NRG3: variants seen among roughly 807,000 people sequenced by gnomAD.
The protein encoded by NRG3 is neuregulin 3.
Under a neutral mutation model 66.9 loss-of-function variants are expected in NRG3, and 31 were observed. The observed-to-expected ratio is 0.46, with a 90% confidence interval of 0.35 to 0.63. The LOEUF is 0.63. Ranked by LOEUF, NRG3 falls within the 20% of genes least tolerant of loss-of-function variation. The pLI is 0.00. For missense variants in NRG3, 910 were observed against 878.9 expected, an observed-to-expected ratio of 1.04 and a Z score of -0.45; for synonymous variants, 393 against 359.4, an observed-to-expected ratio of 1.09 and a Z score of -1.06.
intron 4 of NRG3, among the ~76,000 whole-genome samples, chr10:82,918,098 A>G (rs1427392851): frequency 6.6e-6 from 1 of 151,680 alleles, no homozygotes; most frequent in Non-Finnish European, 1.5e-5. Context: ...AAGAAACTGA[A>G]AGTTGACATT....
At chr10:82,933,236 TTTTATTTATTTA>T (rs150686836) in intron 4 of NRG3, among the ~76,000 whole-genome samples, 2 of 151,680 alleles carry the variant, frequency 1.3e-5, no homozygotes, top group Non-Finnish European at 2.9e-5. Context: ...GGACTGTGGC[TTTTATTTATTTA>T]TTTATTTATT....
chr10:82,700,874 G>T (rs1226450530), intron 2 of NRG3, among the ~76,000 whole-genome samples: 1 of 152,020 alleles, frequency 6.6e-6, no homozygotes, highest in Non-Finnish European at 1.5e-5. Context: ...TTGGACACAA[G>T]GGAACACGTC....
At chr10:82,334,813 A>G (rs924688277) in intron 1 of NRG3, among the ~76,000 whole-genome samples, 1 of 152,200 alleles carries the variant, frequency 6.6e-6, no homozygotes, top group African/African-American at 2.4e-5. Context: ...TCTTCTCTTA[A>G]TAAAATTAAT....
chr10:81,966,931 A>G (rs1029161373), intron 1 of NRG3, among the ~76,000 whole-genome samples: 2 of 151,712 alleles, frequency 1.3e-5, no homozygotes, highest in Non-Finnish European at 1.5e-5. Flanking sequence ...GTCCTTTTTC[A>G]TGCTATTTGT....
At chr10:82,103,759 G>C (rs184740309) in intron 1 of NRG3, among the ~76,000 whole-genome samples, 1 of 152,220 alleles carries the variant, frequency 6.6e-6, no homozygotes, top group Admixed American at 6.5e-5. Context: ...TCTGAGGCCA[G>C]AGAGATGGGT....
intron 2 of NRG3, among the ~76,000 whole-genome samples, chr10:82,591,968 A>G (rs2047009165): frequency 6.6e-6 from 1 of 152,206 alleles, no homozygotes; most frequent in Admixed American, 6.5e-5. Flanking sequence ...CAGTGCCAAC[A>G]AAGCATTTCT....
intron 1 of NRG3, among the ~76,000 whole-genome samples, chr10:81,923,060 A>G (rs1220196319): frequency 1.3e-5 from 2 of 152,372 alleles, no homozygotes; most frequent in African/African-American, 4.8e-5. Context: ...GGTAATTTAC[A>G]TATTATTAGG....
At chr10:82,327,026 AT>A (rs948944302) in intron 1 of NRG3, among the ~76,000 whole-genome samples, 1 of 152,204 alleles carries the variant, frequency 6.6e-6, no homozygotes, top group Non-Finnish European at 1.5e-5. Flanking sequence ...GCTTGGAGTC[AT>A]TTTAGGCATT....
chr10:82,589,607 G>A (rs1354065299), intron 2 of NRG3, among the ~76,000 whole-genome samples: 4 of 151,910 alleles, frequency 2.6e-5, no homozygotes, highest in East Asian at 1.9e-4. Flanking sequence ...GACACCCCTC[G>A]GAGTCTAAAA....
intron 1 of NRG3, among the ~76,000 whole-genome samples, chr10:81,952,709 T>TCCTTCCA (rs921267345): frequency 1.3e-5 from 2 of 152,134 alleles, no homozygotes; most frequent in Non-Finnish European, 2.9e-5. Flanking sequence ...GCTTAAGCGA[T>TCCTTCCA]CCTTCCACCT....
chr10:82,794,835 C>G (rs573571711), intron 3 of NRG3, among the ~76,000 whole-genome samples: 9 of 152,312 alleles, frequency 5.9e-5, no homozygotes, highest in Non-Finnish European at 1.0e-4. Context: ...CTTCCTCCAT[C>G]AACCTTTACA....
chr10:81,918,007 G>GT (rs1845872239), intron 1 of NRG3, among the ~76,000 whole-genome samples: 1 of 152,144 alleles, frequency 6.6e-6, no homozygotes, highest in Non-Finnish European at 1.5e-5. Flanking sequence ...TTACAGGAAT[G>GT]TTTATTATCT....
intron 1 of NRG3, among the ~76,000 whole-genome samples, chr10:82,144,661 C>T (rs2070109953): frequency 6.6e-6 from 1 of 152,186 alleles, no homozygotes; most frequent in Non-Finnish European, 1.5e-5. Flanking sequence ...CAGCCTTCCC[C>T]AACAGATGCA....
intron 2 of NRG3, among the ~76,000 whole-genome samples, chr10:82,713,056 G>A (rs1001029213): frequency 1.5e-5 from 2 of 131,486 alleles, no homozygotes; most frequent in Non-Finnish European, 3.1e-5. Flanking sequence ...GGAGGTGGAG[G>A]TTGCAGTGAG....
intron 2 of NRG3, among the ~76,000 whole-genome samples, chr10:82,413,029 G>C (rs207471200): frequency 2.6e-5 from 4 of 152,004 alleles, no homozygotes; most frequent in African/African-American, 9.7e-5. Context: ...ATCCATGAGA[G>C]TTGGAATCAA....
chr10:82,954,330 CTT>C (rs1433629577), intron 5 of NRG3, among the ~76,000 whole-genome samples: 1 of 151,892 alleles, frequency 6.6e-6, no homozygotes, highest in Admixed American at 6.5e-5. Context: ...TACCAGGGGA[CTT>C]CCATCTTTGG....
At chr10:82,123,384 G>C (rs1469855762) in intron 1 of NRG3, among the ~76,000 whole-genome samples, 1 of 152,142 alleles carries the variant, frequency 6.6e-6, no homozygotes, top group African/African-American at 2.4e-5. Context: ...CCAAATGCCA[G>C]CCTTGAGTTT....
intron 4 of NRG3, among the ~76,000 whole-genome samples, chr10:82,872,019 T>C (rs901168852): frequency 6.6e-6 from 1 of 152,134 alleles, no homozygotes; most frequent in Non-Finnish European, 1.5e-5. Flanking sequence ...AAGTTTCTTA[T>C]CATTAAAAAT....
intron 1 of NRG3, among the ~76,000 whole-genome samples, chr10:82,295,494 A>G (rs1385548521): frequency 6.6e-6 from 1 of 152,168 alleles, no homozygotes; most frequent in Non-Finnish European, 1.5e-5. Flanking sequence ...AGTAAAGTGA[A>G]GAATCATAAA....
Sources: gnomAD v4.1 joint callset for allele counts (sites outside exome capture counted in the v4.1 genomes callset) on GRCh38, gnomAD v4.1.1 for gene constraint, MANE v1.5 for transcripts, NCBI Gene and HGNC (gene_info 2026-07-23, HGNC 2026-07-21) for gene names.